Variants in NRXN3 observed in about 807,000 individuals in gnomAD.
The protein encoded by NRXN3 is neurexin 3, also known as neurexin III.
Under a neutral mutation model 137.6 loss-of-function variants are expected in NRXN3, and 32 were observed. The observed-to-expected ratio is 0.23, with a 90% confidence interval of 0.18 to 0.31. NRXN3 has a LOEUF of 0.31. Among genes scored for constraint, NRXN3 ranks in the 10% least tolerant of loss-of-function variants. NRXN3 has a pLI of 1.00. For synonymous variants in NRXN3, 798 were observed against 784.5 expected (o/e 1.02, Z -0.29); for missense variants, 1,574 against 2,062.5 (o/e 0.76, Z 4.59).
At chr14:79,163,582 T>A (rs986590532) in intron 15 of NRXN3, among the ~76,000 whole-genome samples, 1 of 151,956 alleles carries the variant, frequency 6.6e-6, no homozygotes, top group African/African-American at 2.4e-5. Flanking sequence ...TTCCTTCTTG[T>A]CCTTGATATA....
Position 78,645,077 on chromosome 14 carries a change from G to A in NRXN3, c.758-43G>A. Reference sequence around the variant, plus strand: ...TGGTATTTGCATAGGTCTGACTCTTGCCAGACAAGTGCTGATTGCTTTCCT... The same window carrying A: ...TGGTATTTGCATAGGTCTGACTCTTACCAGACAAGTGCTGATTGCTTTCCT... On this transcript the variant is annotated intron_variant, in intron 4 of 20. Coordinates refer to ENST00000335750, the MANE Select transcript of NRXN3 (RefSeq NM_001330195.2). 2.0e-6 allele frequency: 3 copies of A among 1,490,414 alleles called. No homozygotes were observed. In the South Asian group the frequency reaches 3.9e-5, roughly 19 times the overall value. The allele number at this position is 1,490,414 out of a possible 1,614,324, so 92.3% of individuals were successfully genotyped here.
intron 15 of NRXN3, among the ~76,000 whole-genome samples, chr14:79,389,303 A>G (rs1282735476): frequency 2.0e-5 from 3 of 152,202 alleles, no homozygotes; most frequent in Non-Finnish European, 1.5e-5. Flanking sequence ...GTTTTGTTCT[A>G]TGATGAAAGG....
chr14:79,687,304 T>G (rs565038032), intron 17 of NRXN3, among the ~76,000 whole-genome samples: 7 of 152,312 alleles, frequency 4.6e-5, no homozygotes, highest in South Asian at 2.1e-4. Context: ...TGAGTTGGTC[T>G]GGGACAATGC....
At chr14:78,811,799 T>C (rs534262551) in intron 10 of NRXN3, among the ~76,000 whole-genome samples, 1 of 152,328 alleles carries the variant, frequency 6.6e-6, no homozygotes, top group Admixed American at 6.5e-5. Context: ...ATTTAAAATA[T>C]CGATATAAGC....
chr14:79,209,675 C>T (rs895304316), intron 15 of NRXN3, among the ~76,000 whole-genome samples: 69 of 152,132 alleles, frequency 4.5e-4, no homozygotes, highest in African/African-American at 1.5e-3. Flanking sequence ...CCCATTATAA[C>T]GTATGCTTCT....
intron 20 of NRXN3, among the ~76,000 whole-genome samples, chr14:79,830,416 G>T (rs1315757793): frequency 6.6e-6 from 1 of 152,030 alleles, no homozygotes; most frequent in African/African-American, 2.4e-5. Context: ...TTTTCTGAGA[G>T]CATAGTCAGT....
At chr14:78,316,505 GTGTT>G (rs1042303688) in intron 4 of NRXN3, among the ~76,000 whole-genome samples, 5 of 152,162 alleles carry the variant, frequency 3.3e-5, no homozygotes, top group African/African-American at 4.8e-5. Flanking sequence ...TATCTGAAAG[GTGTT>G]TGTTTGTTTG....
chr14:78,372,908 A>G (rs1448152032), intron 4 of NRXN3, among the ~76,000 whole-genome samples: 1 of 152,226 alleles, frequency 6.6e-6, no homozygotes, highest in Non-Finnish European at 1.5e-5. Context: ...AACACGGTAG[A>G]CATTAGAAGA....
chr14:79,393,959 C>T (rs1220673307), intron 15 of NRXN3, among the ~76,000 whole-genome samples: 1 of 152,102 alleles, frequency 6.6e-6, no homozygotes, highest in Non-Finnish European at 1.5e-5. Flanking sequence ...GTTTAATTAT[C>T]ACTAGGTCCA....
intron 15 of NRXN3, among the ~76,000 whole-genome samples, chr14:79,306,550 G>T (rs377643283): frequency 1.3e-5 from 2 of 152,192 alleles, no homozygotes; most frequent in South Asian, 4.1e-4. Context: ...CTATTTGTTT[G>T]CTTGACTGTT....
chr14:79,507,879 A>G lies in NRXN3; in HGVS notation c.3444+40477A>G, dbSNP rs111286065. On this transcript the variant is annotated intron_variant, in intron 16 of 20. Transcript: ENST00000335750. ...TGTGGAAAATGAACCACCTCTTTTG[A>G]CTCTTTGCAAGATTTGTGATGTCCT... is the stretch of plus-strand genomic sequence containing the variant. Among the ~76,000 whole-genome samples, 7 of 152,060 alleles carry G rather than the reference A, an allele frequency of 4.6e-5. 2 individuals carry two copies. The highest frequency in any genetic ancestry group is 1.7e-4 in the African/African-American group (7 of 41,494).
intron 16 of NRXN3, among the ~76,000 whole-genome samples, chr14:79,596,889 G>A (rs2153829368): frequency 6.6e-6 from 1 of 152,242 alleles, no homozygotes; most frequent in South Asian, 2.1e-4. Context: ...GCTTGTCCAA[G>A]ATAGCCATGC....
At chr14:79,610,511 G>A (rs1365802063) in intron 16 of NRXN3, among the ~76,000 whole-genome samples, 1 of 152,174 alleles carries the variant, frequency 6.6e-6, no homozygotes, top group Admixed American at 6.5e-5. Context: ...CTACGTGCCA[G>A]CCACAGCACT....
rs143341248 is a variant in NRXN3 at position 79,043,080 on chromosome 14, G to A, written c.3262+54939G>A. ...ATCAGGAATTTGTTAGAATAATCCT[G>A]TGTTAAATCAAGCAGCCAGACAATG... On this transcript the variant is annotated intron_variant, in intron 15 of 20. Coordinates refer to ENST00000335750, the MANE Select transcript of NRXN3 (RefSeq NM_001330195.2). Among the ~76,000 whole-genome samples the A allele has an allele frequency of 2.3e-4, 35 of 152,224 alleles. No individual in the cohort carries two copies. The East Asian group carries it at 4.8e-3, about 21-fold the overall frequency.
intron 15 of NRXN3, among the ~76,000 whole-genome samples, chr14:79,051,586 A>C (rs8014314): frequency 0.33 from 49,490 of 152,124 alleles, 8,607 homozygotes; most frequent in Admixed American, 0.47. Context: ...ATGCTTAGCT[A>C]TTTCAGAGCT....
intron 10 of NRXN3, among the ~76,000 whole-genome samples, chr14:78,874,930 A>G (rs568538038): frequency 4.6e-5 from 7 of 152,336 alleles, no homozygotes; most frequent in African/African-American, 1.7e-4. Context: ...CGAGAGTGAG[A>G]ATCCATCAAT....
chr14:79,570,423 G>T (rs1226233532), intron 16 of NRXN3: 2 of 152,156 alleles, frequency 1.3e-5, no homozygotes, highest in Non-Finnish European at 2.9e-5. Flanking sequence ...GCATAGGTTT[G>T]GCTGAGGAAA....
chr14:79,861,602 G>C lies in NRXN3; in HGVS notation c.4354G>C (p.Asp1452His), dbSNP rs774749446. 18 of 1,613,084 alleles carry C rather than the reference G, an allele frequency of 1.1e-5. No homozygotes were observed. Among genetic ancestry groups the C allele is most frequent in the Non-Finnish European group, 1.1e-5 (13 of 1,179,728 alleles). Reference sequence around the variant, plus strand: ...TCCGTTGCCCACTGCCTATGAGCTAGACAGCACCAAACTGAAGAGCCCACT... The same window carrying C: ...TCCGTTGCCCACTGCCTATGAGCTACACAGCACCAAACTGAAGAGCCCACT... The part of the protein sequence containing the change: ...LLPLPTAYEL[D>H]STKLKSPLIT... Residue 1452 changes from aspartate to histidine, a missense_variant, in exon 21 of 21, where the codon GAC (aspartate) becomes CAC (histidine). Physicochemically the swap from Asp to His is moderately conservative, Grantham distance 81 (BLOSUM62 -1). Transcript: ENST00000335750. The surrounding 1 kb of genome is among the most constrained non-coding windows in gnomAD (Gnocchi z 5.4).
intron 4 of NRXN3, among the ~76,000 whole-genome samples, chr14:78,539,556 A>G (rs886147656): frequency 4.6e-5 from 7 of 151,982 alleles, no homozygotes; most frequent in African/African-American, 1.7e-4. Context: ...TTTTCAAAAA[A>G]CCAGCCCCTG....
Sources: allele counts gnomAD v4.1 joint callset (sites outside exome capture counted in the v4.1 genomes callset), GRCh38; gene constraint gnomAD v4.1.1; non-coding constraint Gnocchi (gnomAD v3.1); transcripts MANE v1.5; gene names NCBI Gene and HGNC (gene_info 2026-07-23, HGNC 2026-07-21).